INO80: variants seen among roughly 807,000 people sequenced by gnomAD.
INO80 encodes chromatin-remodeling ATPase INO80.
INO80 carries 20 observed loss-of-function variants against 203.4 expected under a neutral mutation model. That is an observed-to-expected ratio of 0.10 (90% confidence interval 0.07 to 0.14). The LOEUF (loss-of-function observed/expected upper bound fraction) is 0.14. Ranked by LOEUF, INO80 falls within the 10% of genes least tolerant of loss-of-function variation. INO80 has a pLI of 1.00. For synonymous variants in INO80, 726 were observed against 685.2 expected (o/e 1.06, Z -0.93); for missense variants, 1,419 against 1,914.4 (o/e 0.74, Z 4.83).
intron 5 of INO80, 84 bp downstream of exon 5, chr15:41,091,943 C>T (rs1052462238): frequency 8.1e-6 from 10 of 1,240,004 alleles, no homozygotes; most frequent in Admixed American, 3.8e-5. Flanking sequence ...TGAGCCACCA[C>T]GCCCAGCCAA....
intron 31 of INO80, among the ~76,000 whole-genome samples, chr15:40,985,941 T>G (rs530349196): frequency 6.6e-6 from 1 of 152,342 alleles, no homozygotes; most frequent in South Asian, 2.1e-4. Flanking sequence ...CCTCATGTTA[T>G]TCTTTTTCCC....
intron 14 of INO80, among the ~76,000 whole-genome samples, chr15:41,061,802 G>A (rs903539655): frequency 6.6e-6 from 1 of 152,052 alleles, no homozygotes; most frequent in African/African-American, 2.4e-5. Context: ...ATTAATGAAT[G>A]GATCTAATGA....
At chr15:41,038,387 C>G (rs1181023371) in intron 24 of INO80, among the ~76,000 whole-genome samples, 3 of 152,104 alleles carry the variant, frequency 2.0e-5, no homozygotes, top group Admixed American at 2.0e-4. Context: ...AAACTCCCCT[C>G]CTGAAATACC....
In INO80 at chr15:41,116,093, G is replaced by C. The variant is rs1012496331; in HGVS notation, c.-164C>G. 3 of 397,090 alleles carry C rather than the reference G, an allele frequency of 7.6e-6. No individual in the cohort carries two copies. Among genetic ancestry groups the C allele is most frequent in the East Asian group, 3.6e-5 (1 of 27,988 alleles). 24.6% of individuals were successfully genotyped at this position (397,090 alleles called of 1,614,324 possible). Reference sequence around the variant, plus strand: ...CCGCGGTTCGCTCTCTGAGGCCGTGGGACGGTGACTGCGTTGGGCGTGGAC... The same window carrying C: ...CCGCGGTTCGCTCTCTGAGGCCGTGCGACGGTGACTGCGTTGGGCGTGGAC... On this transcript the variant is annotated 5_prime_UTR_variant, in exon 1 of 36. Transcript: ENST00000648947.
In INO80 at chr15:40,979,863, G is replaced by C. The variant is rs1053478733; in HGVS notation, c.*360C>G. 2.2e-5 allele frequency: 6 copies of C among 277,916 alleles called. No individual in the cohort carries two copies. The highest frequency in any genetic ancestry group is 1.1e-4 in the African/African-American group (5 of 46,016). 17.2% of individuals were successfully genotyped at this position (277,916 alleles called of 1,614,324 possible). A position where few individuals can be genotyped will look rare whatever the true frequency, so the allele number is the denominator to read the frequency against. ...CACAGCACCTGCGGAGACTTTGCAAGGGACGTGTCAGAGCCGAAGAGTGGA... is the reference window on the plus strand; with the variant it reads ...CACAGCACCTGCGGAGACTTTGCAACGGACGTGTCAGAGCCGAAGAGTGGA... On this transcript the variant is annotated 3_prime_UTR_variant, in exon 36 of 36. Transcript: ENST00000648947.
At chr15:41,114,368 A>T (rs2045998764) in intron 1 of INO80, among the ~76,000 whole-genome samples, 1 of 152,180 alleles carries the variant, frequency 6.6e-6, no homozygotes, top group Admixed American at 6.6e-5. Flanking sequence ...AGGAGCTTGG[A>T]AATTTCAAAC....
chr15:41,091,379 T>A (rs1247522482), intron 5 of INO80, among the ~76,000 whole-genome samples: 1 of 152,036 alleles, frequency 6.6e-6, no homozygotes, highest in East Asian at 1.9e-4. Context: ...CTCTTTTTTT[T>A]AAGTACCAGG....
At chr15:40,994,172 T>C (rs749210803) in intron 29 of INO80, among the ~76,000 whole-genome samples, 6 of 152,200 alleles carry the variant, frequency 3.9e-5, no homozygotes, top group South Asian at 2.1e-4. Flanking sequence ...TTTGCACTTA[T>C]CTCCTCTGCC....
intron 14 of INO80, among the ~76,000 whole-genome samples, chr15:41,062,107 A>G (rs977349764): frequency 6.6e-6 from 1 of 152,196 alleles, no homozygotes; most frequent in Non-Finnish European, 1.5e-5. Context: ...TAAACATAAA[A>G]TATATAAGCA....
intron 24 of INO80, among the ~76,000 whole-genome samples, chr15:41,033,935 G>A (rs1286986308): frequency 2.0e-5 from 3 of 151,790 alleles, no homozygotes; most frequent in Non-Finnish European, 2.9e-5. Flanking sequence ...GGTGGCAGGC[G>A]CCTGTAGTCC....
At chr15:41,114,139 C>T (rs1199489672) in intron 1 of INO80, among the ~76,000 whole-genome samples, 1 of 151,586 alleles carries the variant, frequency 6.6e-6, no homozygotes, top group Non-Finnish European at 1.5e-5. Context: ...TGGTGGCGGG[C>T]GCCTGTAATA....
chr15:41,074,994 C>T (rs1315609284), intron 9 of INO80, among the ~76,000 whole-genome samples: 3 of 152,166 alleles, frequency 2.0e-5, no homozygotes, highest in Admixed American at 6.6e-5. Context: ...GCTTCAGCAT[C>T]CCAAAGTGCT....
intron 14 of INO80, among the ~76,000 whole-genome samples, chr15:41,063,094 T>C (rs2045142181): frequency 6.6e-6 from 1 of 152,138 alleles, no homozygotes; most frequent in Admixed American, 6.5e-5. Flanking sequence ...CCCAGCACTT[T>C]GGGAAGCTAA....
chr15:41,115,333 G>A (rs986657832), intron 1 of INO80, among the ~76,000 whole-genome samples: 1 of 152,166 alleles, frequency 6.6e-6, no homozygotes, highest in Non-Finnish European at 1.5e-5. Context: ...CTTTCCATTA[G>A]CGAGCTCAAG....
At chr15:41,104,693 AC>A (rs1330586465) in intron 1 of INO80, among the ~76,000 whole-genome samples, 1 of 151,810 alleles carries the variant, frequency 6.6e-6, no homozygotes, top group East Asian at 1.9e-4. Flanking sequence ...ATGAGCCACC[AC>A]ACCTGGCTAA....
chr15:41,104,271 T>A (rs1053749985), intron 1 of INO80, among the ~76,000 whole-genome samples: 3 of 144,678 alleles, frequency 2.1e-5, no homozygotes, highest in South Asian at 4.3e-4. Context: ...CAGAGGCTCA[T>A]ACTGTATTGC....
At chr15:41,070,090 A>G (rs2045286972) in intron 13 of INO80, among the ~76,000 whole-genome samples, 1 of 152,238 alleles carries the variant, frequency 6.6e-6, no homozygotes, top group Admixed American at 6.5e-5. Flanking sequence ...GAGGAAGAGG[A>G]AGAGGAAACT....
chr15:41,018,220 A>G (rs2044239241), intron 26 of INO80: 1 of 152,078 alleles, frequency 6.6e-6, no homozygotes, highest in Admixed American at 6.6e-5. Flanking sequence ...TTCTTTCTCC[A>G]TTTAGATATA....
chr15:41,049,142 A>C, intron 21 of INO80, 145 bp downstream of exon 21: 1 of 641,024 alleles, frequency 1.6e-6, no homozygotes, highest in African/African-American at 1.9e-5. Context: ...TCCTTCCATA[A>C]GATCCCTCAA....
Sources: gnomAD v4.1 joint callset for allele counts (sites outside exome capture counted in the v4.1 genomes callset) on GRCh38, gnomAD v4.1.1 for gene constraint, MANE v1.5 for transcripts, NCBI Gene and HGNC (gene_info 2026-07-23, HGNC 2026-07-21) for gene names.